TECRL: variants seen among roughly 807,000 people sequenced by gnomAD.
TECRL encodes the protein trans-2,3-enoyl-CoA reductase-like.
Under a neutral mutation model 52.8 loss-of-function variants are expected in TECRL, and 63 were observed. That is an observed-to-expected ratio of 1.19 (90% CI 0.97 to 1.47). The LOEUF is 1.47. Among genes scored for constraint, TECRL ranks in the 40% most tolerant of loss-of-function variants. TECRL has a pLI of 0.00. For missense variants in TECRL, 482 were observed against 429.6 expected (o/e 1.12, Z -1.08); for synonymous variants, 164 against 141.9 (o/e 1.16, Z -1.10).
At chr4:64,320,408 G>A (rs1434733612) in intron 4 of TECRL, among the ~76,000 whole-genome samples, 4 of 151,886 alleles carry the variant, frequency 2.6e-5, no homozygotes, top group African/African-American at 7.2e-5. Context: ...TCTGAAATGG[G>A]TGTAATTGCA....
intron 1 of TECRL, among the ~76,000 whole-genome samples, chr4:64,406,373 T>C (rs973825447): frequency 6.6e-6 from 1 of 151,910 alleles, no homozygotes; most frequent in Admixed American, 6.6e-5. Context: ...AGATATTTGA[T>C]AAATATATCT....
intron 7 of TECRL, among the ~76,000 whole-genome samples, chr4:64,303,609 A>G (rs7673560): frequency 0.24 from 37,063 of 151,574 alleles, 4,998 homozygotes; most frequent in African/African-American, 0.34. Context: ...TGGGAATACA[A>G]ACAGTATAAT....
chr4:64,309,534 T>A (rs1211002097), intron 6 of TECRL, among the ~76,000 whole-genome samples: 3 of 152,260 alleles, frequency 2.0e-5, no homozygotes, highest in African/African-American at 7.2e-5. Context: ...GCTCTTCAAG[T>A]GGCACTCAAA....
intron 4 of TECRL, among the ~76,000 whole-genome samples, chr4:64,319,555 A>C (rs955914769): frequency 6.6e-6 from 1 of 151,920 alleles, no homozygotes; most frequent in East Asian, 1.9e-4. Context: ...AACCACATAT[A>C]CAAGGACTCG....
chr4:64,280,070 T>C lies in TECRL; in HGVS notation c.*2A>G. 1 of 1,587,748 alleles carries C rather than the reference T, an allele frequency of 6.3e-7. No individual in the cohort carries two copies. Among genetic ancestry groups the C allele is most frequent in the East Asian group, 2.3e-5 (1 of 44,390 alleles). On this transcript the variant is annotated 3_prime_UTR_variant, in exon 12 of 12. Coordinates refer to ENST00000381210, the MANE Select transcript of TECRL (RefSeq NM_001010874.5). Reference sequence around the variant, plus strand: ...TTTTCTATAGGAGATAAGATTCTTTTTTTACAATATGAATGGAATCATTGC... The same window carrying C: ...TTTTCTATAGGAGATAAGATTCTTTCTTTACAATATGAATGGAATCATTGC...
chr4:64,318,421 A>G (rs983437227), intron 4 of TECRL, among the ~76,000 whole-genome samples: 1 of 152,098 alleles, frequency 6.6e-6, no homozygotes, highest in Admixed American at 6.5e-5. Context: ...GAAATAGTTG[A>G]ATAGATAATG....
intron 2 of TECRL, among the ~76,000 whole-genome samples, chr4:64,340,056 G>A (rs1369879626): frequency 6.6e-6 from 1 of 152,144 alleles, no homozygotes; most frequent in Non-Finnish European, 1.5e-5. Context: ...TCTATACAGA[G>A]ATAATTTTCC....
chr4:64,350,753 T>G (rs1305647764), intron 2 of TECRL, among the ~76,000 whole-genome samples: 1 of 151,852 alleles, frequency 6.6e-6, no homozygotes, highest in Non-Finnish European at 1.5e-5. Context: ...GTCTCCAGTC[T>G]GCCCGCCTAT....
chr4:64,289,715 T>A lies in TECRL; in HGVS notation c.827A>T (p.His276Leu). 6.5e-7 allele frequency: 1 copy of A among 1,540,062 alleles called. No homozygotes were observed. The highest frequency in any genetic ancestry group is 8.7e-7 in the Non-Finnish European group (1 of 1,153,946). Residue 276 changes from histidine (H) to leucine (L), a missense_variant, in exon 9 of 12, where the codon CAC becomes CTC. His to Leu is a moderately conservative substitution (Grantham distance 99). Coordinates refer to ENST00000381210, the MANE Select transcript of TECRL (RefSeq NM_001010874.5). The stretch of plus-strand genomic sequence containing the variant: ...AAAAAGAAAAAAGAACTAACCTGTG[T>A]GATTGGGATGAGACAACATTACATT... ...FINVMLSHPN[H>L]TGNNACFPSP...
intron 8 of TECRL, among the ~76,000 whole-genome samples, chr4:64,293,420 A>G (rs1723501614): frequency 6.6e-6 from 1 of 152,100 alleles, no homozygotes; most frequent in Non-Finnish European, 1.5e-5. Flanking sequence ...TATGCAGCAT[A>G]CCGTGCTCTA....
chr4:64,322,389 T>C (rs1717960167), intron 4 of TECRL, among the ~76,000 whole-genome samples: 1 of 147,528 alleles, frequency 6.8e-6, no homozygotes, highest in African/African-American at 2.5e-5. Flanking sequence ...CAGCAGGACC[T>C]AGACCGAACC....
chr4:64,287,541 C>A (rs948496596), intron 9 of TECRL, among the ~76,000 whole-genome samples: 7 of 152,042 alleles, frequency 4.6e-5, no homozygotes, highest in Non-Finnish European at 8.8e-5. Flanking sequence ...GGAATCCCTA[C>A]ATGTAATTGA....
intron 1 of TECRL, among the ~76,000 whole-genome samples, chr4:64,408,730 A>G (rs1423881920): frequency 6.6e-6 from 1 of 152,120 alleles, no homozygotes; most frequent in African/African-American, 2.4e-5. Flanking sequence ...TTCTATAGAA[A>G]CTAATCAAAC....
At chr4:64,400,184 T>G (rs1428205896) in intron 1 of TECRL, among the ~76,000 whole-genome samples, 9 of 152,090 alleles carry the variant, frequency 5.9e-5, no homozygotes, top group Non-Finnish European at 2.9e-5. Flanking sequence ...TCAAAGGAGA[T>G]TATTCTGGAG....
At chr4:64,365,027 T>G (rs1040207912) in intron 2 of TECRL, among the ~76,000 whole-genome samples, 20 of 151,938 alleles carry the variant, frequency 1.3e-4, no homozygotes, top group Non-Finnish European at 1.5e-5. Flanking sequence ...ACAAACTGAA[T>G]TCAGCAGCAC....
chr4:64,377,046 T>C (rs1334609137), intron 1 of TECRL, among the ~76,000 whole-genome samples: 4 of 152,058 alleles, frequency 2.6e-5, no homozygotes, highest in South Asian at 2.1e-4. Context: ...TGATATATGC[T>C]TTTTTCTTTC....
chr4:64,372,586 G>A (rs1189432374), intron 2 of TECRL, among the ~76,000 whole-genome samples: 1 of 151,514 alleles, frequency 6.6e-6, no homozygotes, highest in East Asian at 1.9e-4. Context: ...ACATATTACA[G>A]TAAAAAAAGT....
intron 7 of TECRL, among the ~76,000 whole-genome samples, chr4:64,301,940 T>C (rs1277537259): frequency 1.3e-5 from 2 of 151,450 alleles, no homozygotes; most frequent in East Asian, 3.9e-4. Flanking sequence ...TTATAACACT[T>C]ATTAAAATGT....
intron 4 of TECRL, among the ~76,000 whole-genome samples, chr4:64,318,625 C>T (rs1348756418): frequency 6.6e-6 from 1 of 151,854 alleles, no homozygotes. Flanking sequence ...GTAAAGCTGA[C>T]TTTTCAACAG....
Sources: allele counts gnomAD v4.1 joint callset (sites outside exome capture counted in the v4.1 genomes callset), GRCh38; gene constraint gnomAD v4.1.1; transcripts MANE v1.5; gene names NCBI Gene and HGNC (gene_info 2026-07-23, HGNC 2026-07-21).